The following PRDM12 variants were observed in gnomAD, a reference collection of about 807,000 sequenced individuals.
PRDM12 encodes the protein PR/SET domain 12, also known as PR domain zinc finger protein 12.
PRDM12 carries 17 observed loss-of-function variants against 29.6 expected under a neutral mutation model. That is an observed-to-expected ratio of 0.57 (90% CI 0.39 to 0.86). The LOEUF is 0.86. Ranked by LOEUF, PRDM12 falls within the 40% of genes least tolerant of loss-of-function variation. PRDM12 has a pLI of 0.00. For missense variants in PRDM12, 422 were observed against 510.8 expected (o/e 0.83, Z 1.68); for synonymous variants, 231 against 225.8 (o/e 1.02, Z -0.21).
chr9:130,671,462 C>T (rs1302707794), intron 3 of PRDM12, among the ~76,000 whole-genome samples: 1 of 151,952 alleles, frequency 6.6e-6, no homozygotes, highest in African/African-American at 2.4e-5. Flanking sequence ...ATTTGGCTAT[C>T]AGTGCTTTTA....
intron 2 of PRDM12, among the ~76,000 whole-genome samples, chr9:130,667,530 A>C (rs1830744726): frequency 1.1e-5 from 1 of 87,214 alleles, no homozygotes; most frequent in Non-Finnish European, 2.3e-5. Context: ...CCCCCACTCC[A>C]GCTCCCCCCG....
intron 3 of PRDM12, among the ~76,000 whole-genome samples, chr9:130,672,134 T>C (rs1201946149): frequency 6.6e-6 from 1 of 152,196 alleles, no homozygotes; most frequent in Non-Finnish European, 1.5e-5. Context: ...ATGACAGTTC[T>C]AGAAAGTGCC....
chr9:130,677,989 C>T (rs1830858773), intron 3 of PRDM12, among the ~76,000 whole-genome samples: 1 of 148,224 alleles, frequency 6.7e-6, no homozygotes, highest in South Asian at 2.2e-4. Context: ...CTGCCGTGTG[C>T]ACAGAGACAC....
In PRDM12 at chr9:130,680,623, T is replaced by TAAA. The variant is rs753422507; in HGVS notation, c.683-615_683-613dup. ...CCTGGAGACAGAGGGAGACTCCGTC[T>TAAA]AAAAAAAAAAAATATATATATATAT... On this transcript the variant is annotated intron_variant, in intron 4 of 4. Coordinates refer to ENST00000253008, the MANE Select transcript of PRDM12 (RefSeq NM_021619.3). 8.6e-3 allele frequency among the ~76,000 whole-genome samples: 676 copies of TAAA among 78,860 alleles called. 3 individuals are homozygous for TAAA. Among genetic ancestry groups the TAAA allele is most frequent in the Non-Finnish European group, 0.012 (546 of 46,386 alleles). The allele number at this position is 78,860 out of a possible 152,430, so 51.7% of individuals were successfully genotyped here.
At chr9:130,677,450 T>G (rs1326528331) in intron 3 of PRDM12, among the ~76,000 whole-genome samples, 1 of 151,786 alleles carries the variant, frequency 6.6e-6, no homozygotes, top group Non-Finnish European at 1.5e-5. Context: ...CCATGCGATC[T>G]TTTGTGCTTC....
At chr9:130,666,124 C>G (rs928311107) in intron 1 of PRDM12, among the ~76,000 whole-genome samples, 1 of 152,232 alleles carries the variant, frequency 6.6e-6, no homozygotes, top group Non-Finnish European at 1.5e-5. Flanking sequence ...GCGCTGATCA[C>G]GGCCCGGCTC....
intron 4 of PRDM12, among the ~76,000 whole-genome samples, chr9:130,680,632 AAAATATAT>A (rs1470076188): frequency 1.9e-4 from 15 of 77,342 alleles, no homozygotes; most frequent in South Asian, 8.7e-4. Context: ...CTAAAAAAAA[AAAATATAT>A]ATATATATAT....
intron 3 of PRDM12, among the ~76,000 whole-genome samples, chr9:130,669,027 C>T (rs1367876960): frequency 1.3e-5 from 2 of 152,104 alleles, no homozygotes; most frequent in African/African-American, 4.8e-5. Context: ...GGCCAGGTAA[C>T]AGCCTGAACA....
At chr9:130,677,405 TCCTGGCCTGGTTTCAGACA>T (rs1051259436) in intron 3 of PRDM12, among the ~76,000 whole-genome samples, 80 of 152,028 alleles carry the variant, frequency 5.3e-4, no homozygotes, top group African/African-American at 1.9e-3. Flanking sequence ...CAACGCGGGG[TCCTGGCCTGGTTTCAGACA>T]CCTCTAGATG....
chr9:130,667,852 TTGTC>T (rs1170022307), intron 2 of PRDM12, among the ~76,000 whole-genome samples: 1 of 152,088 alleles, frequency 6.6e-6, no homozygotes, highest in Non-Finnish European at 1.5e-5. Context: ...CAGGGCCACT[TTGTC>T]TGGGCAGTGA....
chr9:130,668,213 A>G lies in PRDM12; in HGVS notation c.470A>G (p.His157Arg), dbSNP rs1042598597. ...RYFIDASQED[H>R]RSWMTYIKCA... is the part of the protein sequence containing the mutation. ...TTCATCGATGCCAGCCAGGAGGACC[A>G]CCGGAGCTGGATGACCTACATCAAG... is the stretch of plus-strand genomic sequence containing the variant. Residue 157 changes from histidine to arginine, a missense_variant, in exon 3 of 5, where the codon CAC (histidine) becomes CGC (arginine). Physicochemically the swap from His to Arg is conservative, Grantham distance 29. Around this residue, in one of 5 missense-constraint regions of PRDM12, gnomAD observed 300 missense variants for 350.0 expected, o/e 0.86. Coordinates refer to ENST00000253008, the MANE Select transcript of PRDM12 (RefSeq NM_021619.3). The surrounding 1 kb of genome is among the most constrained non-coding windows in gnomAD (Gnocchi z 4.0). 2.5e-6 allele frequency: 4 copies of G among 1,614,076 alleles called. No homozygotes were observed. In the Admixed American group the frequency reaches 5.0e-5, roughly 20 times the overall value.
chr9:130,672,007 C>T (rs79727412), intron 3 of PRDM12, among the ~76,000 whole-genome samples: 14,992 of 152,206 alleles, frequency 0.098, 975 homozygotes, highest in African/African-American at 0.17. Context: ...AGAGCCCAGG[C>T]GGTCAGTGGA....
In PRDM12 at chr9:130,681,610, GC is replaced by G. The variant is rs1477214049; in HGVS notation, c.1047del (p.Ala350ProfsTer118). On this transcript the variant is annotated frameshift_variant, in exon 5 of 5. Transcript: ENST00000253008. LOFTEE classifies it high-confidence loss of function. The surrounding 1 kb of genome is among the most constrained non-coding windows in gnomAD (Gnocchi z 8.1). Reference protein sequence around the residue: ...APHAHAPALAAAAAAAAAAAA... With the variant: ...APHAHAPALAXAAAAAAAAAA... ...GCACGCGCACGCGCCCGCGCTCGCC[GC>G]CGCCGCCGCCGCCGCCGCCGCCGCC... 1.2e-5 allele frequency: 10 copies of G among 803,582 alleles called. No individual in the cohort carries two copies. The highest frequency in any genetic ancestry group is 1.9e-5 in the African/African-American group (1 of 51,808). The allele number at this position is 803,582 out of a possible 1,614,324, so 49.8% of individuals were successfully genotyped here.
At chr9:130,669,262 G>T (rs1462387181) in intron 3 of PRDM12, among the ~76,000 whole-genome samples, 1 of 152,098 alleles carries the variant, frequency 6.6e-6, no homozygotes, top group Non-Finnish European at 1.5e-5. Context: ...GGAAGGCGGA[G>T]CTTGCAGTGA....
intron 2 of PRDM12, among the ~76,000 whole-genome samples, chr9:130,667,469 A>G (rs1402787895): frequency 1.3e-5 from 2 of 151,950 alleles, no homozygotes. Flanking sequence ...CGGGAAACCC[A>G]CTGAGGCCAG....
Position 130,674,364 on chromosome 9 carries a change from G to T in PRDM12, c.571-4165G>T, listed in dbSNP as rs1370694929. ...GGGTTTCACCATGTTGGCCAGGCTGGTCTTGAACCCCTGGCCTCAAGTGAT... is the reference window on the plus strand; with the variant it reads ...GGGTTTCACCATGTTGGCCAGGCTGTTCTTGAACCCCTGGCCTCAAGTGAT... On this transcript the variant is annotated intron_variant, in intron 3 of 4. Coordinates refer to ENST00000253008, the MANE Select transcript of PRDM12 (RefSeq NM_021619.3). Among the ~76,000 whole-genome samples, 6 of 151,980 alleles carry T rather than the reference G, an allele frequency of 3.9e-5. No homozygotes were observed. The East Asian group carries it at 9.7e-4, about 25-fold the overall frequency.
intron 4 of PRDM12, 25 bp downstream of exon 4, chr9:130,678,665 G>A: frequency 1.9e-6 from 3 of 1,558,664 alleles, no homozygotes; most frequent in South Asian, 1.1e-5. Context: ...TGGGGCCGCT[G>A]AGACACAGAC....
Position 130,668,036 on chromosome 9 carries a change from T to A in PRDM12, c.415-122T>A. Reference sequence around the variant, plus strand: ...AGCCTTCCTTTCTTCAGTGGGAAAATGAAGCTTTATCCACTTCCTGGGGCT... The same window carrying A: ...AGCCTTCCTTTCTTCAGTGGGAAAAAGAAGCTTTATCCACTTCCTGGGGCT... On this transcript the variant is annotated intron_variant, in intron 2 of 4. Coordinates refer to ENST00000253008, the MANE Select transcript of PRDM12 (RefSeq NM_021619.3). The surrounding 1 kb of genome is among the most constrained non-coding windows in gnomAD (Gnocchi z 4.0). The A allele has an allele frequency of 7.8e-7, 1 of 1,280,786 alleles. No individual in the cohort carries two copies. Among genetic ancestry groups the A allele is most frequent in the Admixed American group, 2.2e-5 (1 of 46,456 alleles). 79.3% of individuals were successfully genotyped at this position (1,280,786 alleles called of 1,614,324 possible). A position where few individuals can be genotyped will look rare whatever the true frequency, so the allele number is the denominator to read the frequency against.
Position 130,664,790 on chromosome 9 carries a change from G to C in PRDM12, c.137G>C (p.Gly46Ala), listed in dbSNP as rs1830715958. ...FLYGRWRNVL[G>A]EQLFEDKSHH... Reference sequence around the variant, plus strand: ...TACGGCCGCTGGCGCAACGTGCTCGGGGAGCAGCTCTTCGAGGACAAGAGC... The same window carrying C: ...TACGGCCGCTGGCGCAACGTGCTCGCGGAGCAGCTCTTCGAGGACAAGAGC... The change falls in exon 1 of 5, where the codon GGG (glycine) becomes GCG (alanine). Residue 46 changes from glycine (G) to alanine (A), a missense_variant. By Grantham distance (60) the Gly-to-Ala change is moderately conservative. Around this residue, in one of 5 missense-constraint regions of PRDM12, gnomAD observed 300 missense variants for 350.0 expected, o/e 0.86. Transcript: ENST00000253008. The surrounding 1 kb of genome is among the most constrained non-coding windows in gnomAD (Gnocchi z 6.4). 6.3e-7 allele frequency: 1 copy of C among 1,598,130 alleles called. No individual in the cohort carries two copies.
Sources: gnomAD v4.1 joint callset for allele counts (sites outside exome capture counted in the v4.1 genomes callset) on GRCh38, gnomAD v4.1.1 for gene constraint, gnomAD v4.1.1 regional missense constraint, Gnocchi (gnomAD v3.1) non-coding constraint, MANE v1.5 for transcripts, NCBI Gene and HGNC (gene_info 2026-07-23, HGNC 2026-07-21) for gene names.